ANXA2: variants seen among roughly 807,000 people sequenced by gnomAD.
The protein encoded by ANXA2 is annexin II.
Under a neutral mutation model 47.3 loss-of-function variants are expected in ANXA2, and 28 were observed. The ratio of observed to expected loss-of-function variants is 0.59; its 90% confidence interval spans 0.44 to 0.81. The LOEUF (loss-of-function observed/expected upper bound fraction) is 0.81. ANXA2 is among the 40% of genes least tolerant of loss of function. The pLI, the probability that ANXA2 is intolerant of heterozygous loss-of-function variation, is 0.00. For synonymous variants in ANXA2, 172 were observed against 155.5 expected (o/e 1.11, Z -0.79); for missense variants, 384 against 414.3 (o/e 0.93, Z 0.64).
intron 6 of ANXA2, among the ~76,000 whole-genome samples, chr15:60,356,249 C>T (rs772473684): frequency 2.6e-5 from 4 of 152,090 alleles, no homozygotes; most frequent in Admixed American, 2.0e-4. Context: ...TCAGGCTCAC[C>T]GTTGATTGGT....
chr15:60,351,657 G>A (rs1206882726), intron 10 of ANXA2, 67 bp downstream of exon 10: 5 of 1,014,236 alleles, frequency 4.9e-6, no homozygotes, highest in Non-Finnish European at 7.8e-6. Context: ...GGATTAACAG[G>A]ATGGCCATCT....
In ANXA2 at chr15:60,393,287, C is replaced by G. The variant is rs144031992; in HGVS notation, c.-12+4656G>C. The G allele has an allele frequency of 5.9e-4, 607 of 1,023,934 alleles. 2 individuals carry two copies. In the African/African-American group the frequency reaches 9.3e-3, roughly 16 times the overall value. 63.4% of individuals were successfully genotyped at this position (1,023,934 alleles called of 1,614,324 possible). A position where few individuals can be genotyped will look rare whatever the true frequency, so the allele number is the denominator to read the frequency against. Reference sequence around the variant, plus strand: ...AGCCTCTCTCTGCTGGTATCCTGATCTGGGGTTGGAGTGGGTGGAAAGAGA... The same window carrying G: ...AGCCTCTCTCTGCTGGTATCCTGATGTGGGGTTGGAGTGGGTGGAAAGAGA... On this transcript the variant is annotated intron_variant, in intron 1 of 12. Transcript: ENST00000451270.
chr15:60,373,752 T>C (rs1454251708), intron 3 of ANXA2, among the ~76,000 whole-genome samples: 1 of 152,190 alleles, frequency 6.6e-6, no homozygotes, highest in Non-Finnish European at 1.5e-5. Flanking sequence ...ATAATACTTA[T>C]TTTACCAGGA....
chr15:60,374,598 G>A (rs1298192625), intron 3 of ANXA2: 1 of 455,980 alleles, frequency 2.2e-6, no homozygotes, highest in African/African-American at 2.0e-5. Flanking sequence ...AGAGAGGCAG[G>A]TGATGAAAGC....
At chr15:60,357,358 A>G (rs1219887156) in intron 5 of ANXA2, 122 bp from the exon 6 acceptor site, 26 of 714,280 alleles carry the variant, frequency 3.6e-5, no homozygotes, top group Non-Finnish European at 4.0e-5. Flanking sequence ...TGCTTTCTAC[A>G]TTCCTTCTGA....
At chr15:60,362,162 G>T (rs2062524013) in intron 4 of ANXA2, among the ~76,000 whole-genome samples, 1 of 152,120 alleles carries the variant, frequency 6.6e-6, no homozygotes, top group Admixed American at 6.5e-5. Flanking sequence ...CTTAGGAGGG[G>T]ACTGTAAAAG....
chr15:60,374,432 C>T (rs978001034), intron 3 of ANXA2: 15 of 455,176 alleles, frequency 3.3e-5, no homozygotes, highest in Admixed American at 2.1e-4. Context: ...GAGAAACCAA[C>T]GCAGCCACCC....
intron 3 of ANXA2, among the ~76,000 whole-genome samples, chr15:60,375,345 A>G (rs565465702): frequency 2.6e-5 from 4 of 152,280 alleles, no homozygotes; most frequent in South Asian, 4.1e-4. Flanking sequence ...TTCCAGAGAG[A>G]GACCAAAGCT....
chr15:60,357,540 T>A lies in ANXA2; in HGVS notation c.358-304A>T, dbSNP rs564062631. 5.6e-4 allele frequency among the ~76,000 whole-genome samples: 86 copies of A among 152,232 alleles called. No individual in the cohort carries two copies. In the Middle Eastern group the frequency reaches 0.01, roughly 18 times the overall value. On this transcript the variant is annotated intron_variant, in intron 5 of 12. Coordinates refer to ENST00000451270, the MANE Select transcript of ANXA2 (RefSeq NM_004039.3). ...TGGGCACAGTGGCTCACGCCTGTAATCCCAGCACTTTGGGAGGCCAAGGCA... is the reference window on the plus strand; with the variant it reads ...TGGGCACAGTGGCTCACGCCTGTAAACCCAGCACTTTGGGAGGCCAAGGCA...
intron 12 of ANXA2, among the ~76,000 whole-genome samples, chr15:60,348,055 G>C (rs1895805269): frequency 1.3e-5 from 2 of 152,154 alleles, no homozygotes; most frequent in South Asian, 4.1e-4. Context: ...CAGAAAACAG[G>C]GTACTTTCCT....
intron 7 of ANXA2, 42 bp downstream of exon 7, chr15:60,355,877 T>C (rs752240609): frequency 6.6e-7 from 1 of 1,510,274 alleles, no homozygotes. Flanking sequence ...GTGACTTGCC[T>C]TGGGAGGAAG....
chr15:60,358,173 T>C (rs960712703), intron 5 of ANXA2, among the ~76,000 whole-genome samples: 1 of 152,202 alleles, frequency 6.6e-6, no homozygotes, highest in Non-Finnish European at 1.5e-5. Context: ...TCAGGCACTT[T>C]AGGGAAGCAA....
intron 11 of ANXA2, 74 bp downstream of exon 11, chr15:60,351,119 G>A: frequency 6.7e-7 from 1 of 1,499,154 alleles, no homozygotes; most frequent in Non-Finnish European, 9.3e-7. Context: ...CATGAATCAA[G>A]GAGACTCAAT....
In ANXA2 at chr15:60,382,359, G is replaced by GT; in HGVS notation, c.130dup (p.Thr44AsnfsTer10). On this transcript the variant is annotated frameshift_variant, in exon 3 of 13. Coordinates refer to ENST00000451270, the MANE Select transcript of ANXA2 (RefSeq NM_004039.3). LOFTEE classifies it high-confidence loss of function. ...TCACCTACCTTTGGTCTTGATGGCTGTTTCAATGTTCAAAGCATCCCGCTC... is the reference window on the plus strand; with the variant it reads ...TCACCTACCTTTGGTCTTGATGGCTGTTTTCAATGTTCAAAGCATCCCGCTC... 1 of 1,613,688 alleles carries GT rather than the reference G, an allele frequency of 6.2e-7. No individual in the cohort carries two copies. The highest frequency in any genetic ancestry group is 8.5e-7 in the Non-Finnish European group (1 of 1,179,642).
At position 60,352,489 on chromosome 15, in the gene ANXA2, C is replaced by T. The variant is rs753565260; in HGVS notation, c.589-13G>A. ...CGTCATAGAGATCCTACGAGTACAA[C>T]CAACCAGGAAAAGTTAACTACACAT... On this transcript the variant is annotated splice_polypyrimidine_tract_variant and intron_variant, in intron 8 of 12. Coordinates refer to ENST00000451270, the MANE Select transcript of ANXA2 (RefSeq NM_004039.3). The surrounding 1 kb of genome is among the most constrained non-coding windows in gnomAD (Gnocchi z 4.2). The T allele has an allele frequency of 2.5e-6, 4 of 1,600,572 alleles. 1 individual carries two copies. The Admixed American group carries it at 6.8e-5, about 27-fold the overall frequency.
At chr15:60,397,892 A>G in intron 1 of ANXA2, 51 bp downstream of exon 1, 2 of 1,353,532 alleles carry the variant, frequency 1.5e-6, no homozygotes, top group African/African-American at 3.0e-5. Flanking sequence ...GCGTCTCCAC[A>G]CCCCGCTAGC....
Position 60,360,947 on chromosome 15 carries a change from G to A in ANXA2, c.351C>T (p.Ser117=). The change falls in exon 5 of 13, where the codon TCC becomes TCT. Residue 117 remains serine, a synonymous_variant. Transcript: ENST00000451270. ...ACATCTCACATGCATTTACCTTCAT[G>A]GAAGCTTTTAGCTCAGAAGCGTCAT... ...AQYDASELKA[S]MKGLGTDEDS... 1 of 1,600,334 alleles carries A rather than the reference G, an allele frequency of 6.2e-7. No homozygotes were observed. The highest frequency in any genetic ancestry group is 8.6e-7 in the Non-Finnish European group (1 of 1,167,456).
chr15:60,366,617 C>A (rs190147861), intron 3 of ANXA2, among the ~76,000 whole-genome samples: 22,128 of 142,226 alleles, frequency 0.16, 61 homozygotes, highest in Middle Eastern at 0.23. Flanking sequence ...CGGCAACCAC[C>A]CCGTCTGGGA....
chr15:60,359,468 C>G (rs755805260), intron 5 of ANXA2, among the ~76,000 whole-genome samples: 1 of 152,134 alleles, frequency 6.6e-6, no homozygotes, highest in Non-Finnish European at 1.5e-5. Flanking sequence ...GAAATGTTGT[C>G]GACATTTTAT....
Sources: gnomAD v4.1 joint callset for allele counts (sites outside exome capture counted in the v4.1 genomes callset) on GRCh38, gnomAD v4.1.1 for gene constraint, Gnocchi (gnomAD v3.1) non-coding constraint, MANE v1.5 for transcripts, NCBI Gene and HGNC (gene_info 2026-07-23, HGNC 2026-07-21) for gene names.